The following NID2 variants were observed in gnomAD, a reference collection of about 807,000 sequenced individuals.
The protein encoded by NID2 is nidogen 2, also known as nidogen-2.
Under a neutral mutation model 145.4 loss-of-function variants are expected in NID2, and 83 were observed. The ratio of observed to expected loss-of-function variants is 0.57; its 90% CI spans 0.48 to 0.69. The LOEUF (loss-of-function observed/expected upper bound fraction) is 0.69. Ranked by LOEUF, NID2 falls within the 30% of genes least tolerant of loss-of-function variation. NID2 has a pLI of 0.00. For missense variants in NID2, 1,807 were observed against 1,765.7 expected (o/e 1.02, Z -0.42); for synonymous variants, 739 against 701.3 (o/e 1.05, Z -0.85).
chr14:52,007,850 G>A lies in NID2; in HGVS notation c.3840C>T (p.Thr1280=), dbSNP rs1007130921. 1.9e-6 allele frequency: 3 copies of A among 1,613,992 alleles called. No homozygotes were observed. Among genetic ancestry groups the A allele is most frequent in the African/African-American group, 1.3e-5 (1 of 75,050 alleles). ...AGAGCAGTTTAGAGAAAGGGTCAAA[G>A]GTTAAGCCATTGGGCAATCCAATGT... The part of the protein sequence containing the change: ...NTDIGLPNGL[T]FDPFSKLLCW... The change falls in exon 19 of 22, where the codon ACC becomes ACT. Residue 1280 remains threonine, a synonymous_variant. Transcript: ENST00000216286.
chr14:52,015,312 T>C (rs540935506), intron 14 of NID2, 37 bp from the exon 15 acceptor site: 1 of 1,567,228 alleles, frequency 6.4e-7, no homozygotes, highest in South Asian at 1.1e-5. Flanking sequence ...GAAAAACCTT[T>C]GATTGTGAGT....
chr14:52,066,838 G>A (rs1893232258), intron 2 of NID2, among the ~76,000 whole-genome samples: 1 of 152,198 alleles, frequency 6.6e-6, no homozygotes, highest in South Asian at 2.1e-4. Flanking sequence ...CTTCAGGAAT[G>A]AGGCAGTTTG....
rs373194765 is a variant in NID2, at chr14:52,015,055, C to T, written c.3249G>A (p.Ala1083=). 56 of 1,612,490 alleles carry T rather than the reference C, an allele frequency of 3.5e-5. 1 individual carries two copies. In the African/African-American group the frequency reaches 3.6e-4, roughly 10 times the overall value. The change falls in exon 15 of 22, where the codon GCG becomes GCA. Residue 1083 remains alanine (A), a splice_region_variant and synonymous_variant. Transcript: ENST00000216286. ...GAGCGGGGGCGGCCAGGTGCTTACACGCAGGGGTGGTGCCTGGCTGGGAGC... is the reference window on the plus strand; with the variant it reads ...GAGCGGGGGCGGCCAGGTGCTTACATGCAGGGGTGGTGCCTGGCTGGGAGC... ...GTRSQPGTTP[A]CIPTVAPPMV...
intron 5 of NID2, among the ~76,000 whole-genome samples, chr14:52,046,089 C>T (rs908770281): frequency 2.8e-4 from 43 of 152,080 alleles, no homozygotes; most frequent in Non-Finnish European, 1.0e-4. Context: ...TTTGGGAGGC[C>T]GAGGCAGGCG....
At position 52,006,554 on chromosome 14, in the gene NID2, G is replaced by A; in HGVS notation, c.3987C>T (p.Tyr1329=). 1 of 1,613,786 alleles carries A rather than the reference G, an allele frequency of 6.2e-7. No individual in the cohort carries two copies. Among genetic ancestry groups the A allele is most frequent in the South Asian group, 1.1e-5 (1 of 91,070 alleles). Residue 1329 remains tyrosine (Y), a synonymous_variant, in exon 20 of 22, where the codon TAC becomes TAT. Coordinates refer to ENST00000216286, the MANE Select transcript of NID2 (RefSeq NM_007361.4). ...GGGCTCACCTCCTCCAGTCTGTGTG[G>A]TAGAAGTGATCTGCATAGCTTACGA... ...FSIVSYADHF[Y]HTDWRRDGVV... is the part of the protein sequence containing the mutation.
At chr14:52,032,793 A>G (rs1891913159) in intron 9 of NID2, among the ~76,000 whole-genome samples, 1 of 98,454 alleles carries the variant, frequency 1.0e-5, no homozygotes, top group Non-Finnish European at 2.3e-5. Flanking sequence ...CCACCCTGCT[A>G]GGCATTAAAA....
At chr14:52,024,171 G>C (rs929949989) in intron 12 of NID2, among the ~76,000 whole-genome samples, 1 of 152,120 alleles carries the variant, frequency 6.6e-6, no homozygotes, top group African/African-American at 2.4e-5. Flanking sequence ...AAGTGGCTGT[G>C]GTAGGCAGCC....
intron 13 of NID2, 85 bp from the exon 14 acceptor site, chr14:52,019,379 T>A (rs1275296147): frequency 9.0e-7 from 1 of 1,113,038 alleles, no homozygotes; most frequent in Non-Finnish European, 1.2e-6. Flanking sequence ...CAGCGTGGCA[T>A]GGAAAAGCGC....
At chr14:52,045,983 T>G (rs1892476648) in intron 5 of NID2, among the ~76,000 whole-genome samples, 1 of 152,198 alleles carries the variant, frequency 6.6e-6, no homozygotes, top group African/African-American at 2.4e-5. Flanking sequence ...TTCTTCTTAA[T>G]GTACTTCTGA....
In NID2 at chr14:52,005,858, A is replaced by G; in HGVS notation, c.4005-9T>C. ...CTGATACAACACCATCCCTGGTAAC[A>G]GAAAGGAAGAGTGAATTCAGGGACA... On this transcript the variant is annotated splice_polypyrimidine_tract_variant and intron_variant, in intron 20 of 21. Transcript: ENST00000216286. The G allele has an allele frequency of 6.3e-7, 1 of 1,576,118 alleles. No homozygotes were observed. The highest frequency in any genetic ancestry group is 1.1e-5 in the South Asian group (1 of 90,306).
intron 19 of NID2, chr14:52,007,564 T>C (rs1890833997): frequency 8.5e-6 from 4 of 468,990 alleles, no homozygotes; most frequent in Non-Finnish European, 1.1e-5. Context: ...GTTAAAAATA[T>C]GCCAGGCACT....
Position 52,019,068 on chromosome 14 carries a change from T to C in NID2, c.3021A>G (p.Pro1007=), listed in dbSNP as rs1304557814. The part of the protein sequence containing the change: ...PPGSTPPHCG[P]SPEPTQRPPT... ...CCCCAGGCCTAAGCTCACCTGGTGA[T>C]GGTCCACAGTGAGGCGGGGTGGAGC... is the stretch of plus-strand genomic sequence containing the variant. Residue 1007 remains proline (P), a synonymous_variant, in exon 14 of 22, where the codon CCA becomes CCG. Coordinates refer to ENST00000216286, the MANE Select transcript of NID2 (RefSeq NM_007361.4). 1.2e-6 allele frequency: 2 copies of C among 1,613,188 alleles called. No homozygotes were observed. Among genetic ancestry groups the C allele is most frequent in the African/African-American group, 1.3e-5 (1 of 74,918 alleles).
At chr14:52,057,691 G>A (rs1480841056) in intron 3 of NID2, among the ~76,000 whole-genome samples, 4 of 103,714 alleles carry the variant, frequency 3.9e-5, no homozygotes, top group East Asian at 2.7e-4. Context: ...CGACAAGAGC[G>A]AACCTCCGTC....
intron 9 of NID2, among the ~76,000 whole-genome samples, chr14:52,030,567 AGGAAGGAAGG>A (rs1406084508): frequency 2.1e-4 from 21 of 99,230 alleles, no homozygotes; most frequent in South Asian, 1.9e-3. Context: ...AAAGAAAGAA[AGGAAGGAAGG>A]GAAAGAAAGA....
intron 8 of NID2, among the ~76,000 whole-genome samples, chr14:52,039,345 A>G (rs1393894443): frequency 6.6e-6 from 1 of 152,226 alleles, no homozygotes; most frequent in Non-Finnish European, 1.5e-5. Context: ...CTAAGATGCA[A>G]TGCTGCCACA....
At chr14:52,046,539 GGA>G (rs1892503034) in intron 5 of NID2, among the ~76,000 whole-genome samples, 1 of 152,156 alleles carries the variant, frequency 6.6e-6, no homozygotes, top group African/African-American at 2.4e-5. Context: ...GTCTAGATAT[GGA>G]GAGTTAAACT....
At chr14:52,035,878 A>ATATATATACATATATATATTTATATT (rs58318209) in intron 9 of NID2, among the ~76,000 whole-genome samples, 58 of 135,204 alleles carry the variant, frequency 4.3e-4, no homozygotes, top group African/African-American at 1.6e-3. Context: ...ATATATATAT[A>ATATATATACATATATATATTTATATT]TGTTTTATTT....
Position 52,011,349 on chromosome 14 carries a change from G to A in NID2, c.3550+205C>T, listed in dbSNP as rs199529536. On this transcript the variant is annotated intron_variant, in intron 17 of 21. Coordinates refer to ENST00000216286, the MANE Select transcript of NID2 (RefSeq NM_007361.4). ...TACCATGAATTCTTTTAAGAAGTGC[G>A]CACAGTAGGAATCACCTATTTCATT... Among the ~76,000 whole-genome samples the A allele has an allele frequency of 6.6e-5, 10 of 152,236 alleles. No homozygotes were observed. In the East Asian group the frequency reaches 1.2e-3, roughly 18 times the overall value.
intron 1 of NID2, 76 bp from the exon 2 acceptor site, chr14:52,068,239 G>C: frequency 7.1e-7 from 1 of 1,418,382 alleles, no homozygotes; most frequent in East Asian, 2.3e-5. Context: ...GGGAGGGAAG[G>C]GAACTGACTT....
Sources: gnomAD v4.1 joint callset for allele counts (sites outside exome capture counted in the v4.1 genomes callset) on GRCh38, gnomAD v4.1.1 for gene constraint, MANE v1.5 for transcripts, NCBI Gene and HGNC (gene_info 2026-07-23, HGNC 2026-07-21) for gene names.